AHCYL2: variants seen among roughly 807,000 people sequenced by gnomAD.
AHCYL2 encodes the protein adenosylhomocysteinase like 2, also known as S-adenosylhomocysteine hydrolase-like protein 2.
AHCYL2 carries 28 observed loss-of-function variants against 81.4 expected under a neutral mutation model. The observed-to-expected ratio is 0.34, with a 90% CI of 0.25 to 0.47. AHCYL2 has a LOEUF of 0.47. AHCYL2 is among the 20% of genes least tolerant of loss of function. AHCYL2 has a pLI of 1.00. For synonymous variants in AHCYL2, 272 were observed against 290.2 expected (o/e 0.94, Z 0.64); for missense variants, 551 against 785.1 (o/e 0.70, Z 3.56).
At chr7:129,249,122 G>C (rs890075738) in intron 1 of AHCYL2, among the ~76,000 whole-genome samples, 6 of 148,762 alleles carry the variant, frequency 4.0e-5, no homozygotes, top group Non-Finnish European at 8.9e-5. Flanking sequence ...TGCAGCCCCC[G>C]GAGTAGCTGG....
chr7:129,408,538 A>G (rs2150944410), intron 10 of AHCYL2, among the ~76,000 whole-genome samples: 1 of 152,304 alleles, frequency 6.6e-6, no homozygotes, highest in East Asian at 1.9e-4. Flanking sequence ...GTGCAGAGAA[A>G]ATAATAAGTT....
chr7:129,287,745 T>C (rs1223562477), intron 1 of AHCYL2, among the ~76,000 whole-genome samples: 3 of 152,250 alleles, frequency 2.0e-5, no homozygotes, highest in African/African-American at 7.2e-5. Flanking sequence ...GTACTTGTGA[T>C]ACACAGGCTA....
Position 129,406,449 on chromosome 7 carries a change from C to T in AHCYL2, c.1278C>T (p.Ile426=). 6.2e-7 allele frequency: 1 copy of T among 1,614,040 alleles called. No individual in the cohort carries two copies. Among genetic ancestry groups the T allele is most frequent in the Non-Finnish European group, 8.5e-7 (1 of 1,179,988 alleles). Reference sequence around the variant, plus strand: ...TGTATGTAACTGAAATTGACCCCATCTGTGCCCTGCAAGCCTGGTAAGCCT... The same window carrying T: ...TGTATGTAACTGAAATTGACCCCATTTGTGCCCTGCAAGCCTGGTAAGCCT... The part of the protein sequence containing the change: ...SIVYVTEIDP[I]CALQACMDGF... Residue 426 remains isoleucine (I), a synonymous_variant, in exon 10 of 17, where the codon ATC becomes ATT. Coordinates refer to ENST00000325006, the MANE Select transcript of AHCYL2 (RefSeq NM_015328.4). This position sits in a 1 kb window ranked among gnomAD's most constrained non-coding sequence, Gnocchi z 4.3.
At chr7:129,371,155 T>G (rs1794392773) in intron 1 of AHCYL2, among the ~76,000 whole-genome samples, 1 of 152,238 alleles carries the variant, frequency 6.6e-6, no homozygotes, top group Non-Finnish European at 1.5e-5. Flanking sequence ...ATTTAAAGTT[T>G]TAACGAGTGT....
At chr7:129,249,528 C>CCATTT (rs1441057704) in intron 1 of AHCYL2, among the ~76,000 whole-genome samples, 3 of 152,038 alleles carry the variant, frequency 2.0e-5, no homozygotes, top group African/African-American at 7.2e-5. Context: ...CGGGTTCACG[C>CCATTT]CATTCTCCTG....
chr7:129,399,141 C>CA (rs71162600), intron 5 of AHCYL2, among the ~76,000 whole-genome samples: 4,856 of 44,846 alleles, frequency 0.11, 526 homozygotes, highest in East Asian at 0.22. Context: ...GACTCCATCT[C>CA]AAAAAAAAAA....
chr7:129,309,614 T>C (rs917829377), intron 1 of AHCYL2, among the ~76,000 whole-genome samples: 1 of 152,192 alleles, frequency 6.6e-6, no homozygotes, highest in Non-Finnish European at 1.5e-5. Context: ...CATATAAATA[T>C]CTTCTATTCT....
At chr7:129,331,148 G>T (rs1012358885) in intron 1 of AHCYL2, among the ~76,000 whole-genome samples, 8 of 152,138 alleles carry the variant, frequency 5.3e-5, no homozygotes, top group African/African-American at 1.7e-4. Context: ...ATTATTAAAA[G>T]ATTTGCATAT....
intron 1 of AHCYL2, among the ~76,000 whole-genome samples, chr7:129,343,736 G>T (rs1793266701): frequency 6.6e-6 from 1 of 152,110 alleles, no homozygotes; most frequent in Admixed American, 6.5e-5. Flanking sequence ...AAATCTTCAT[G>T]ACCTTGGGGT....
chr7:129,240,130 G>A (rs974682588), intron 1 of AHCYL2, among the ~76,000 whole-genome samples: 2 of 151,904 alleles, frequency 1.3e-5, no homozygotes, highest in African/African-American at 4.8e-5. Context: ...CAGGAGAATC[G>A]CTTGAACCCG....
intron 1 of AHCYL2, among the ~76,000 whole-genome samples, chr7:129,292,969 C>G (rs960194007): frequency 6.6e-6 from 1 of 151,896 alleles, no homozygotes; most frequent in Non-Finnish European, 1.5e-5. Flanking sequence ...TATTGCTTAC[C>G]CACTTTTAAA....
intron 1 of AHCYL2, among the ~76,000 whole-genome samples, chr7:129,356,275 A>G (rs1475352379): frequency 1.3e-5 from 2 of 152,162 alleles, no homozygotes; most frequent in Admixed American, 6.5e-5. Flanking sequence ...ACAGTAATAA[A>G]CCATCTTCCT....
chr7:129,413,576 C>G lies in AHCYL2; in HGVS notation c.1367-18C>G. 1.9e-6 allele frequency: 3 copies of G among 1,596,256 alleles called. No homozygotes were observed. Among genetic ancestry groups the G allele is most frequent in the Non-Finnish European group, 2.6e-6 (3 of 1,163,974 alleles). On this transcript the variant is annotated intron_variant, in intron 11 of 16. Transcript: ENST00000325006. Reference sequence around the variant, plus strand: ...TATCTTTCTCCACTGCTGCTCAGACCTCTCTTCTGTTTTTAAGGTAACAAG... The same window carrying G: ...TATCTTTCTCCACTGCTGCTCAGACGTCTCTTCTGTTTTTAAGGTAACAAG...
rs181674524 is a variant in AHCYL2, at chr7:129,386,369, A to G, written c.476-2687A>G. Among the ~76,000 whole-genome samples the G allele has an allele frequency of 3.5e-3, 535 of 152,172 alleles. 2 individuals are homozygous for G. Among genetic ancestry groups the G allele is most frequent in the Admixed American group, 9.8e-3 (149 of 15,282 alleles). On this transcript the variant is annotated intron_variant, in intron 2 of 16. Transcript: ENST00000325006. ...TCCCAGCTACTAAGGAGGCTGAGGC[A>G]GGATAATTGCTTGAACCCAGGAGGC...
chr7:129,338,728 TC>T (rs1793052588), intron 1 of AHCYL2, among the ~76,000 whole-genome samples: 1 of 152,252 alleles, frequency 6.6e-6, no homozygotes, highest in Non-Finnish European at 1.5e-5. Context: ...GGATTGTTGG[TC>T]TTTTAAAAAA....
At chr7:129,380,744 G>A (rs1794918653) in intron 2 of AHCYL2, among the ~76,000 whole-genome samples, 1 of 151,828 alleles carries the variant, frequency 6.6e-6, no homozygotes, top group African/African-American at 2.4e-5. Flanking sequence ...TTTTTGTGGG[G>A]TAGCACAAGA....
Position 129,368,596 on chromosome 7 carries a change from T to C in AHCYL2, c.364-11042T>C, listed in dbSNP as rs748253704. 1.2e-6 allele frequency: 2 copies of C among 1,606,616 alleles called. No homozygotes were observed. The highest frequency in any genetic ancestry group is 1.7e-6 in the Non-Finnish European group (2 of 1,173,670). ...TGTTTCTCCTTCTGTTTCTTGATAA[T>C]GAGAGGCAACCATTTCTGACGGGTG... On this transcript the variant is annotated intron_variant, in intron 1 of 16. Coordinates refer to ENST00000325006, the MANE Select transcript of AHCYL2 (RefSeq NM_015328.4). The surrounding 1 kb of genome is among the most constrained non-coding windows in gnomAD (Gnocchi z 4.4).
At chr7:129,278,244 A>T (rs1444809574) in intron 1 of AHCYL2, among the ~76,000 whole-genome samples, 1 of 151,540 alleles carries the variant, frequency 6.6e-6, no homozygotes, top group Non-Finnish European at 1.5e-5. Flanking sequence ...ATTTTATTTT[A>T]TTTTTTATTT....
At chr7:129,303,190 G>A (rs530857028) in intron 1 of AHCYL2, among the ~76,000 whole-genome samples, 39 of 152,248 alleles carry the variant, frequency 2.6e-4, no homozygotes, top group African/African-American at 8.9e-4. Context: ...AGTAGAGACT[G>A]GTTTCTCCAT....
Sources: gnomAD v4.1 joint callset for allele counts (sites outside exome capture counted in the v4.1 genomes callset) on GRCh38, gnomAD v4.1.1 for gene constraint, Gnocchi (gnomAD v3.1) non-coding constraint, MANE v1.5 for transcripts, NCBI Gene and HGNC (gene_info 2026-07-23, HGNC 2026-07-21) for gene names.